The following ADAM12 variants were observed in gnomAD, a reference collection of about 807,000 sequenced individuals.
ADAM12 encodes the protein ADAM metallopeptidase domain 12.
A neutral mutation model predicts 106.4 loss-of-function variants in ADAM12; 70 were observed. The ratio of observed to expected loss-of-function variants is 0.66; its 90% CI spans 0.54 to 0.80. The LOEUF (loss-of-function observed/expected upper bound fraction) is 0.80, where lower values mean the gene tolerates loss of function less well. ADAM12 is among the 30% of genes least tolerant of loss of function. The pLI is 0.00. For synonymous variants in ADAM12, 420 were observed against 433.5 expected (o/e 0.97, Z 0.39); for missense variants, 1,010 against 1,171.9 (o/e 0.86, Z 2.02).
chr10:126,224,535 TTGGGGAGGGGCC>T (rs1958155354), intron 3 of ADAM12, among the ~76,000 whole-genome samples: 1 of 151,554 alleles, frequency 6.6e-6, no homozygotes, highest in Non-Finnish European at 1.5e-5. Context: ...GGATGGACTC[TTGGGGAGGGGCC>T]TGGGGAGGTG....
Position 126,049,185 on chromosome 10 carries a change from C to G in ADAM12, c.1917+68G>C. On this transcript the variant is annotated intron_variant, in intron 16 of 22. Transcript: ENST00000448723. The surrounding 1 kb of genome is among the most constrained non-coding windows in gnomAD (Gnocchi z 4.4). ...AACCAACAAACCTTGTAACCCAGTT[C>G]TTGCTGTTTTTCAATGGGCCCTGTT... The G allele has an allele frequency of 6.3e-7, 1 of 1,586,356 alleles. No homozygotes were observed. Among genetic ancestry groups the G allele is most frequent in the Non-Finnish European group, 8.6e-7 (1 of 1,161,628 alleles).
At chr10:126,303,260 T>C (rs1324438475) in intron 2 of ADAM12, among the ~76,000 whole-genome samples, 5 of 152,212 alleles carry the variant, frequency 3.3e-5, no homozygotes, top group Admixed American at 2.0e-4. Flanking sequence ...TACTATCCTA[T>C]GTATATCACC....
intron 2 of ADAM12, among the ~76,000 whole-genome samples, chr10:126,288,104 T>C (rs541184726): frequency 2.4e-4 from 36 of 152,178 alleles, no homozygotes; most frequent in African/African-American, 8.4e-4. Flanking sequence ...TGTCACACAC[T>C]GTCACAAGCA....
chr10:126,088,417 G>A (rs1226573732), intron 11 of ADAM12, among the ~76,000 whole-genome samples: 5 of 152,046 alleles, frequency 3.3e-5, no homozygotes, highest in South Asian at 2.1e-4. Context: ...AGAGAAGGCC[G>A]AGGCTGTGCA....
intron 2 of ADAM12, among the ~76,000 whole-genome samples, chr10:126,326,206 T>A (rs74410409): frequency 1.1e-5 from 1 of 91,232 alleles, no homozygotes; most frequent in Non-Finnish European, 2.4e-5. Flanking sequence ...CGGGGAGTAT[T>A]TTTTTTTTTT....
At chr10:126,110,101 A>T (rs1381841978) in intron 6 of ADAM12, among the ~76,000 whole-genome samples, 1 of 152,212 alleles carries the variant, frequency 6.6e-6, no homozygotes, top group Non-Finnish European at 1.5e-5. Context: ...ATCATGGATT[A>T]TTGGAGCAGC....
chr10:126,148,891 G>A (rs1414336450), intron 4 of ADAM12, among the ~76,000 whole-genome samples: 1 of 152,148 alleles, frequency 6.6e-6, no homozygotes, highest in East Asian at 1.9e-4. Context: ...ACCCATTGTG[G>A]GGAAGGTAGA....
intron 2 of ADAM12, among the ~76,000 whole-genome samples, chr10:126,304,803 A>G (rs1297046778): frequency 2.0e-5 from 3 of 152,066 alleles, no homozygotes; most frequent in Non-Finnish European, 4.4e-5. Flanking sequence ...CAAAAAAAAA[A>G]TATATTTGAA....
chr10:126,383,421 A>G (rs1463176712), intron 1 of ADAM12, among the ~76,000 whole-genome samples: 2 of 152,190 alleles, frequency 1.3e-5, no homozygotes, highest in Admixed American at 1.3e-4. Flanking sequence ...AAGCTGTGGT[A>G]AAAACAGTGA....
chr10:126,341,106 A>T (rs1236697274), intron 1 of ADAM12, among the ~76,000 whole-genome samples: 1 of 152,130 alleles, frequency 6.6e-6, no homozygotes. Flanking sequence ...GTCTCTGCTC[A>T]AATGTTACCC....
intron 11 of ADAM12, among the ~76,000 whole-genome samples, chr10:126,087,905 C>T (rs1955387612): frequency 6.6e-6 from 1 of 152,144 alleles, no homozygotes; most frequent in African/African-American, 2.4e-5. Context: ...AGTTTTCCCA[C>T]AGTATGAGGT....
intron 2 of ADAM12, among the ~76,000 whole-genome samples, chr10:126,301,761 A>G (rs1425468182): frequency 6.6e-6 from 1 of 152,190 alleles, no homozygotes; most frequent in East Asian, 1.9e-4. Flanking sequence ...ACTAAGAAAT[A>G]CTCAGAAGAC....
chr10:126,099,026 G>T (rs1955609395), intron 9 of ADAM12, among the ~76,000 whole-genome samples: 1 of 152,202 alleles, frequency 6.6e-6, no homozygotes. Context: ...AGCCGGTGTA[G>T]AACAAGTGAG....
chr10:126,261,909 T>C (rs1327012738), intron 3 of ADAM12, among the ~76,000 whole-genome samples: 2 of 151,754 alleles, frequency 1.3e-5, no homozygotes, highest in African/African-American at 4.8e-5. Flanking sequence ...TTCATGTCAT[T>C]CTCCTGCCTC....
intron 10 of ADAM12, among the ~76,000 whole-genome samples, chr10:126,096,203 C>A (rs1363892926): frequency 6.6e-6 from 1 of 152,178 alleles, no homozygotes; most frequent in South Asian, 2.1e-4. Flanking sequence ...GCTGAAGTTA[C>A]CATGCTCTGG....
chr10:126,081,283 G>T (rs1247215258), intron 11 of ADAM12, among the ~76,000 whole-genome samples: 1 of 152,200 alleles, frequency 6.6e-6, no homozygotes, highest in Admixed American at 6.5e-5. Context: ...GCTGAGAACA[G>T]CTTGGAGCCG....
At chr10:126,308,722 G>A (rs1040246857) in intron 2 of ADAM12, among the ~76,000 whole-genome samples, 13 of 152,170 alleles carry the variant, frequency 8.5e-5, no homozygotes, top group Admixed American at 3.3e-4. Flanking sequence ...CAACTTGGCC[G>A]ATGCCTGGTG....
At chr10:126,071,707 C>T in intron 11 of ADAM12, 53 bp from the exon 12 acceptor site, 5 of 1,593,936 alleles carry the variant, frequency 3.1e-6, no homozygotes, top group Non-Finnish European at 4.3e-6. Flanking sequence ...ATGGCTTTGT[C>T]TGCCCTTCTT....
chr10:126,170,911 C>T (rs1957108531), intron 3 of ADAM12, among the ~76,000 whole-genome samples: 1 of 152,176 alleles, frequency 6.6e-6, no homozygotes, highest in South Asian at 2.1e-4. Context: ...GAGCATTTTA[C>T]ATTAAGATCT....
Sources: gnomAD v4.1 joint callset for allele counts (sites outside exome capture counted in the v4.1 genomes callset) on GRCh38, gnomAD v4.1.1 for gene constraint, Gnocchi (gnomAD v3.1) non-coding constraint, MANE v1.5 for transcripts, NCBI Gene and HGNC (gene_info 2026-07-23, HGNC 2026-07-21) for gene names.